The following OAS3 variants were observed in gnomAD, a reference collection of about 807,000 sequenced individuals.
OAS3 encodes 2'-5'-oligoadenylate synthetase 3.
Under a neutral mutation model 113.0 loss-of-function variants are expected in OAS3, and 107 were observed. The ratio of observed to expected loss-of-function variants is 0.95; its 90% CI spans 0.81 to 1.11. The LOEUF is 1.11. Ranked by LOEUF, OAS3 falls within the 50% of genes most tolerant of loss-of-function variation. The pLI is 0.00. For synonymous variants in OAS3, 552 were observed against 573.6 expected, an observed-to-expected ratio of 0.96 and a Z score of 0.54; for missense variants, 1,258 against 1,389.1, an observed-to-expected ratio of 0.91 and a Z score of 1.50.
rs752304761 is a variant in OAS3 at position 112,950,905 on chromosome 12, G to A, written c.1587G>A (p.Gln529=). The A allele has an allele frequency of 3.7e-6, 6 of 1,614,016 alleles. No individual in the cohort carries two copies. Among genetic ancestry groups the A allele is most frequent in the African/African-American group, 2.7e-5 (2 of 75,064 alleles). The part of the protein sequence containing the change: ...FPEQNVPEAL[Q]FQLVSTALKS... Reference sequence around the variant, plus strand: ...AGCAGAATGTGCCTGAGGCTCTGCAGTTCCAGCTGGTGTCCACAGCCCTGA... The same window carrying A: ...AGCAGAATGTGCCTGAGGCTCTGCAATTCCAGCTGGTGTCCACAGCCCTGA... Residue 529 remains glutamine, a synonymous_variant, in exon 7 of 16, where the codon CAG becomes CAA. Transcript: ENST00000228928.
At chr12:112,966,081 C>T (rs1387418423) in intron 12 of OAS3, 52 bp downstream of exon 12, 2 of 1,590,446 alleles carry the variant, frequency 1.3e-6, no homozygotes, top group Non-Finnish European at 1.7e-6. Flanking sequence ...GGCAGGGCCG[C>T]CATGGGCAGT....
rs953203925 is a variant in OAS3 at position 112,963,162 on chromosome 12, A to T, written c.2085-151A>T. On this transcript the variant is annotated intron_variant, in intron 9 of 15. Coordinates refer to ENST00000228928, the MANE Select transcript of OAS3 (RefSeq NM_006187.4). This position sits in a 1 kb window ranked among gnomAD's most constrained non-coding sequence, Gnocchi z 4.6. ...CAATAGCTTTCCAACCAAGGCAGCCAATTGAGATCGCTTCTGCACTTGGGC... is the reference window on the plus strand; with the variant it reads ...CAATAGCTTTCCAACCAAGGCAGCCTATTGAGATCGCTTCTGCACTTGGGC... 178 of 1,048,958 alleles carry T rather than the reference A, an allele frequency of 1.7e-4. No homozygotes were observed. Among genetic ancestry groups the T allele is most frequent in the Non-Finnish European group, 2.2e-4 (165 of 744,768 alleles). 65.0% of individuals were successfully genotyped at this position (1,048,958 alleles called of 1,614,324 possible).
In OAS3 at chr12:112,964,305, G is replaced by A. The variant is rs550299718; in HGVS notation, c.2300G>A (p.Arg767His). 3.2e-5 allele frequency: 52 copies of A among 1,609,062 alleles called. No homozygotes were observed. The highest frequency in any genetic ancestry group is 3.7e-5 in the Non-Finnish European group (44 of 1,177,754). The change falls in exon 11 of 16, where the codon CGC becomes CAC. Residue 767 changes from arginine to histidine, a missense_variant. Transcript: ENST00000228928. ...KFISEFLQPNRQFLAQVNKAV... is the reference protein window; with the variant it reads ...KFISEFLQPNHQFLAQVNKAV... The stretch of plus-strand genomic sequence containing the variant: ...ATCAGTGAATTTCTCCAGCCCAACC[G>A]CCAGTTCCTGGCCCAGGTGAACAAG...
intron 14 of OAS3, 115 bp downstream of exon 14, chr12:112,968,289 C>T: frequency 2.2e-6 from 3 of 1,348,930 alleles, no homozygotes; most frequent in Non-Finnish European, 2.9e-6. Flanking sequence ...GGATTCCTTC[C>T]TAGAAGTTAT....
At chr12:112,951,000 G>A in intron 7 of OAS3, 25 bp downstream of exon 7, 3 of 1,603,572 alleles carry the variant, frequency 1.9e-6, no homozygotes, top group Non-Finnish European at 2.6e-6. Context: ...CCTGTCCCTT[G>A]GAGAGTGATA....
Position 112,965,949 on chromosome 12 carries a change from T to C in OAS3, c.2609T>C (p.Val870Ala), listed in dbSNP as rs761444390. Residue 870 changes from valine to alanine, a missense_variant, in exon 12 of 16, where the codon GTG (valine) becomes GCG (alanine). By Grantham distance (64) the Val-to-Ala change is moderately conservative (BLOSUM62 0). Transcript: ENST00000228928. ...FEVSKWENPRVLSFSLTSQTM... is the reference protein window; with the variant it reads ...FEVSKWENPRALSFSLTSQTM... ...GTCTCCAAATGGGAGAATCCCCGCG[T>C]GCTGAGCTTCTCACTGACATCCCAG... 6.2e-7 allele frequency: 1 copy of C among 1,614,018 alleles called. No individual in the cohort carries two copies. The highest frequency in any genetic ancestry group is 8.5e-7 in the Non-Finnish European group (1 of 1,179,900).
In OAS3 at chr12:112,967,464, C is replaced by A. The variant is rs918060352; in HGVS notation, c.2736C>A (p.Asp912Glu). 2.5e-6 allele frequency: 4 copies of A among 1,613,664 alleles called. No homozygotes were observed. The highest frequency in any genetic ancestry group is 3.4e-6 in the Non-Finnish European group (4 of 1,179,768). ...GSRPSSQVYV[D>E]LIHSYSNAGE... ...GGCCCAGCTCTCAAGTCTACGTCGA[C>A]CTCATCCACAGCTACAGCAATGCGG... is the stretch of plus-strand genomic sequence containing the variant. Residue 912 changes from aspartate (D) to glutamate (E), a missense_variant, in exon 13 of 16, where the codon GAC becomes GAA. Transcript: ENST00000228928.
intron 14 of OAS3, among the ~76,000 whole-genome samples, chr12:112,968,525 T>C (rs554323543): frequency 1.6e-3 from 237 of 152,272 alleles, no homozygotes; most frequent in Admixed American, 1.4e-3. Context: ...TTTTTGTTGT[T>C]GTTGTTGTTT....
At position 112,970,118 on chromosome 12, in the gene OAS3, G is replaced by A; in HGVS notation, c.*145G>A. 7 of 929,704 alleles carry A rather than the reference G, an allele frequency of 7.5e-6. No homozygotes were observed. Among genetic ancestry groups the A allele is most frequent in the African/African-American group, 1.6e-5 (1 of 61,004 alleles). The allele number at this position is 929,704 out of a possible 1,614,324, so 57.6% of individuals were successfully genotyped here. A position where few individuals can be genotyped will look rare whatever the true frequency, so the allele number is the denominator to read the frequency against. Reference sequence around the variant, plus strand: ...TGTGTGCATGTGTGTGCACACGTGTGCATGTGTGTGTTTTAGTGAATCTGC... The same window carrying A: ...TGTGTGCATGTGTGTGCACACGTGTACATGTGTGTGTTTTAGTGAATCTGC... On this transcript the variant is annotated 3_prime_UTR_variant, in exon 16 of 16. Transcript: ENST00000228928.
rs201269624 is a variant in OAS3 at position 112,963,359 on chromosome 12, G to A, written c.2131G>A (p.Gly711Ser). 19 of 1,561,304 alleles carry A rather than the reference G, an allele frequency of 1.2e-5. No individual in the cohort carries two copies. The highest frequency in any genetic ancestry group is 1.1e-4 in the Admixed American group (6 of 52,914). Residue 711 changes from glycine to serine, a missense_variant, in exon 10 of 16, where the codon GGT (glycine) becomes AGT (serine). Coordinates refer to ENST00000228928, the MANE Select transcript of OAS3 (RefSeq NM_006187.4). This position sits in a 1 kb window ranked among gnomAD's most constrained non-coding sequence, Gnocchi z 4.6. ...TGATCCCACCTGGAACGTGGGCCACGGTAGCTGGGAGCTGTTGGCCCAGGA... is the reference window on the plus strand; with the variant it reads ...TGATCCCACCTGGAACGTGGGCCACAGTAGCTGGGAGCTGTTGGCCCAGGA... ...PADPTWNVGHGSWELLAQEAA... is the reference protein window; with the variant it reads ...PADPTWNVGHSSWELLAQEAA...
At chr12:112,952,815 T>G (rs183890125) in intron 7 of OAS3, among the ~76,000 whole-genome samples, 148 of 152,332 alleles carry the variant, frequency 9.7e-4, no homozygotes, top group Admixed American at 1.7e-3. Context: ...TGATGAGAAG[T>G]CTCTGTCAGT....
chr12:112,947,081 A>G, intron 4 of OAS3, 100 bp downstream of exon 4: 1 of 899,418 alleles, frequency 1.1e-6, no homozygotes, highest in Non-Finnish European at 1.7e-6. Context: ...GCTTGGGTAT[A>G]GAGGCCAAAG....
Position 112,973,181 on chromosome 12 carries a change from C to G in OAS3, c.*3208C>G, listed in dbSNP as rs1270811406. Reference sequence around the variant, plus strand: ...TCCTCCAACCCATTCTCTCCCTAATCCCTAGAAACCACCAATCTGCTGTGT... The same window carrying G: ...TCCTCCAACCCATTCTCTCCCTAATGCCTAGAAACCACCAATCTGCTGTGT... On this transcript the variant is annotated 3_prime_UTR_variant, in exon 16 of 16. Coordinates refer to ENST00000228928, the MANE Select transcript of OAS3 (RefSeq NM_006187.4). 1.3e-5 allele frequency: 2 copies of G among 152,164 alleles called. No individual in the cohort carries two copies. The highest frequency in any genetic ancestry group is 4.8e-5 in the African/African-American group (2 of 41,434). The allele number at this position is 152,164 out of a possible 1,614,324, so 9.4% of individuals were successfully genotyped here.
In OAS3 at chr12:112,941,815, G is replaced by A. The variant is rs2043682973; in HGVS notation, c.423G>A (p.Trp141Ter). 2 of 1,614,026 alleles carry A rather than the reference G, an allele frequency of 1.2e-6. No homozygotes were observed. Among genetic ancestry groups the A allele is most frequent in the African/African-American group, 1.3e-5 (1 of 75,058 alleles). The change falls in exon 2 of 16, where the codon TGG becomes TGA. Residue 141 changes from tryptophan to a stop codon, truncating the protein, a stop_gained. Coordinates refer to ENST00000228928, the MANE Select transcript of OAS3 (RefSeq NM_006187.4). LOFTEE classifies it high-confidence loss of function. ...TGACATCCGTAGATCTTGAGGACTG[G>A]ATGGATGTTAGCCTGGTGCCTGCCT... ...FRLTSVDLED[W>*]MDVSLVPAFN...
In OAS3 at chr12:112,965,731, A is replaced by T. The variant is rs769973074; in HGVS notation, c.2404-13A>T. 1.2e-6 allele frequency: 2 copies of T among 1,601,904 alleles called. No homozygotes were observed. The highest frequency in any genetic ancestry group is 1.3e-5 in the African/African-American group (1 of 74,810). ...TGCTTCAAGGGTTGAGCCACCTGCC[A>T]TGTCCTCTCCAGGGTGGCTCTTCAG... On this transcript the variant is annotated splice_polypyrimidine_tract_variant and intron_variant, in intron 11 of 15. Coordinates refer to ENST00000228928, the MANE Select transcript of OAS3 (RefSeq NM_006187.4).
intron 3 of OAS3, among the ~76,000 whole-genome samples, chr12:112,945,566 C>A (rs969704553): frequency 1.3e-5 from 2 of 152,080 alleles, no homozygotes; most frequent in African/African-American, 4.8e-5. Flanking sequence ...CCAGCCTATG[C>A]CTGGAGATGG....
chr12:112,950,448 A>C (rs1458453968), intron 6 of OAS3: 4 of 538,716 alleles, frequency 7.4e-6, no homozygotes, highest in Non-Finnish European at 1.3e-5. Flanking sequence ...CTGTTGCTGC[A>C]GTTTGGTCTG....
At position 112,968,057 on chromosome 12, in the gene OAS3, G is replaced by C; in HGVS notation, c.2987G>C (p.Arg996Pro). 1.2e-6 allele frequency: 2 copies of C among 1,613,966 alleles called. No homozygotes were observed. The highest frequency in any genetic ancestry group is 1.7e-6 in the Non-Finnish European group (2 of 1,179,888). ...CAGTTCAACATGGCTGAGGGCTTCC[G>C]CACGGTCCTGGAGCTGGTCACCCAG... is the stretch of plus-strand genomic sequence containing the variant. ...DSQFNMAEGFRTVLELVTQYR... is the reference protein window; with the variant it reads ...DSQFNMAEGFPTVLELVTQYR... The change falls in exon 14 of 16, where the codon CGC becomes CCC. Residue 996 changes from arginine to proline, a missense_variant. Coordinates refer to ENST00000228928, the MANE Select transcript of OAS3 (RefSeq NM_006187.4).
At chr12:112,953,768 T>C (rs2043811422) in intron 7 of OAS3, among the ~76,000 whole-genome samples, 1 of 152,240 alleles carries the variant, frequency 6.6e-6, no homozygotes, top group African/African-American at 2.4e-5. Context: ...ATGTGTCTGT[T>C]GGCTGCATAA....
Sources: allele counts gnomAD v4.1 joint callset (sites outside exome capture counted in the v4.1 genomes callset), GRCh38; gene constraint gnomAD v4.1.1; non-coding constraint Gnocchi (gnomAD v3.1); transcripts MANE v1.5; gene names NCBI Gene and HGNC (gene_info 2026-07-23, HGNC 2026-07-21).